Variants in ACSF3 observed in about 807,000 individuals in gnomAD.
ACSF3 encodes the protein acyl-CoA synthetase family member 3, also known as malonate--CoA ligase ACSF3, mitochondrial.
A neutral mutation model predicts 53.2 loss-of-function variants in ACSF3; 78 were observed. That is an observed-to-expected ratio of 1.47 (90% CI 1.22 to 1.77). ACSF3 has a LOEUF of 1.77. Among genes scored for constraint, ACSF3 ranks in the 40% most tolerant of loss-of-function variants. The pLI, the probability that ACSF3 is intolerant of heterozygous loss-of-function variation, is 0.00. For missense variants in ACSF3, 937 were observed against 771.1 expected (o/e 1.22, Z -2.55); for synonymous variants, 414 against 333.1 (o/e 1.24, Z -2.65).
chr16:89,151,240 A>G (rs1313868360), intron 10 of ACSF3: 3 of 455,924 alleles, frequency 6.6e-6, no homozygotes, highest in Non-Finnish European at 1.3e-5. Context: ...CAGACTGAAC[A>G]GTTCTGAGTT....
At chr16:89,102,375 G>A (rs1975446757) in intron 3 of ACSF3, 1 of 600,838 alleles carries the variant, frequency 1.7e-6, no homozygotes, top group Non-Finnish European at 3.0e-6. Flanking sequence ...CTCTGGCTGT[G>A]TGTGGCGCTG....
At chr16:89,141,995 A>G (rs530862371) in intron 8 of ACSF3, among the ~76,000 whole-genome samples, 69 of 152,264 alleles carry the variant, frequency 4.5e-4, no homozygotes, top group African/African-American at 1.4e-3. Context: ...TCTCAGACAC[A>G]GCCTTTTTCC....
intron 5 of ACSF3, chr16:89,113,140 C>G (rs1009547473): frequency 1.3e-5 from 2 of 152,276 alleles, no homozygotes; most frequent in Admixed American, 1.3e-4. Flanking sequence ...GCCCGCACCT[C>G]CAGCAGAGTC....
At chr16:89,137,262 A>G (rs188471079) in intron 8 of ACSF3, among the ~76,000 whole-genome samples, 71 of 152,028 alleles carry the variant, frequency 4.7e-4, no homozygotes, top group African/African-American at 1.5e-3. Context: ...CTTGTGGGGA[A>G]GGACTGAGGG....
chr16:89,138,865 AT>A (rs1229968991), intron 8 of ACSF3, among the ~76,000 whole-genome samples: 1 of 152,252 alleles, frequency 6.6e-6, no homozygotes, highest in Non-Finnish European at 1.5e-5. Context: ...GTGTTTTTAC[AT>A]TTTTATTTTT....
intron 8 of ACSF3, among the ~76,000 whole-genome samples, chr16:89,143,223 C>T (rs550338595): frequency 6.7e-6 from 1 of 148,948 alleles, no homozygotes; most frequent in Non-Finnish European, 1.5e-5. Flanking sequence ...GCAGTCTCAG[C>T]CCCGTGCGTA....
intron 8 of ACSF3, chr16:89,141,325 C>A: frequency 7.8e-7 from 1 of 1,280,670 alleles, no homozygotes; most frequent in Non-Finnish European, 1.0e-6. Context: ...GATGTCGACC[C>A]TCGGAGCTGA....
intron 2 of ACSF3, among the ~76,000 whole-genome samples, chr16:89,099,039 C>A (rs1357581888): frequency 6.6e-6 from 1 of 152,246 alleles, no homozygotes; most frequent in Admixed American, 6.5e-5. Flanking sequence ...GGGTGCTTCC[C>A]CCAGGAAGGG....
chr16:89,121,202 T>G (rs1328401273), intron 7 of ACSF3, among the ~76,000 whole-genome samples: 1 of 152,248 alleles, frequency 6.6e-6, no homozygotes, highest in Admixed American at 6.5e-5. Context: ...AGGGGCCCTG[T>G]CCACGGGGAC....
At chr16:89,094,342 G>C (rs561428154) in intron 1 of ACSF3, among the ~76,000 whole-genome samples, 1 of 152,316 alleles carries the variant, frequency 6.6e-6, no homozygotes, top group African/African-American at 2.4e-5. Flanking sequence ...TTTCTCATTG[G>C]GCTTCAGAAG....
chr16:89,147,177 A>AGAGT, intron 10 of ACSF3, among the ~76,000 whole-genome samples: 2 of 91,874 alleles, frequency 2.2e-5, no homozygotes, highest in East Asian at 3.5e-4. Flanking sequence ...GAGGGTCCAC[A>AGAGT]GAGGGAGGGA....
At chr16:89,124,889 C>T (rs4782437) in intron 7 of ACSF3, among the ~76,000 whole-genome samples, 107,449 of 152,178 alleles carry the variant, frequency 0.71, 38,443 homozygotes, top group Middle Eastern at 0.78. Flanking sequence ...GGTCTACATA[C>T]AGGTTATCTG....
intron 1 of ACSF3, among the ~76,000 whole-genome samples, chr16:89,097,291 G>A (rs113813057): frequency 2.2e-4 from 34 of 152,342 alleles, no homozygotes; most frequent in African/African-American, 6.5e-4. Context: ...GAGGGAAGCC[G>A]TCATCCCCCT....
intron 6 of ACSF3, among the ~76,000 whole-genome samples, chr16:89,120,275 A>T (rs1418643376): frequency 6.6e-6 from 1 of 152,188 alleles, no homozygotes; most frequent in Non-Finnish European, 1.5e-5. Flanking sequence ...AGTGTGGTCC[A>T]CCTGCCATGC....
chr16:89,114,139 G>C, intron 5 of ACSF3, 200 bp from the exon 6 acceptor site: 1 of 675,842 alleles, frequency 1.5e-6, no homozygotes, highest in Non-Finnish European at 2.6e-6. Context: ...AAAAAACAAA[G>C]TCACGCCGTA....
At chr16:89,104,494 C>G (rs574107081) in intron 4 of ACSF3, among the ~76,000 whole-genome samples, 1 of 152,326 alleles carries the variant, frequency 6.6e-6, no homozygotes, top group African/African-American at 2.4e-5. Flanking sequence ...CTGGCCCCAT[C>G]GAAGGCTGTG....
At chr16:89,127,548 T>A (rs1189670102) in intron 7 of ACSF3, among the ~76,000 whole-genome samples, 1 of 152,066 alleles carries the variant, frequency 6.6e-6, no homozygotes, top group Non-Finnish European at 1.5e-5. Flanking sequence ...TTTATTTTTG[T>A]AGAGTTGGGG....
rs1480034317 is a variant in ACSF3, at chr16:89,127,227, A to ACT, written c.1240-5909_1240-5908insCT. ...TGTGTTTGAGGGTGATGCTGGCCTCATTAAATGAGTTGGGAAGTGTTCTCT... is the reference window on the plus strand; with the variant it reads ...TGTGTTTGAGGGTGATGCTGGCCTCACTTTAAATGAGTTGGGAAGTGTTCTCT... On this transcript the variant is annotated intron_variant, in intron 7 of 10. Transcript: ENST00000614302. Among the ~76,000 whole-genome samples, 7 of 152,262 alleles carry ACT rather than the reference A, an allele frequency of 4.6e-5. No individual in the cohort carries two copies. In the East Asian group the frequency reaches 1.3e-3, roughly 29 times the overall value.
chr16:89,108,310 G>A (rs546579451), intron 4 of ACSF3, among the ~76,000 whole-genome samples: 16 of 152,210 alleles, frequency 1.1e-4, no homozygotes, highest in East Asian at 5.8e-4. Flanking sequence ...GAGGTTCTCC[G>A]CGAAGCACTG....
Sources: allele counts gnomAD v4.1 joint callset (sites outside exome capture counted in the v4.1 genomes callset), GRCh38; gene constraint gnomAD v4.1.1; transcripts MANE v1.5; gene names NCBI Gene and HGNC (gene_info 2026-07-23, HGNC 2026-07-21).